MYT1L: variants seen among roughly 807,000 people sequenced by gnomAD.
MYT1L encodes myelin transcription factor 1 like.
Under a neutral mutation model 126.7 loss-of-function variants are expected in MYT1L, and 12 were observed. That is an observed-to-expected ratio of 0.09 (90% CI 0.06 to 0.15). MYT1L has a LOEUF of 0.15. Ranked by LOEUF, MYT1L falls within the 10% of genes least tolerant of loss-of-function variation. MYT1L has a pLI of 1.00. For missense variants in MYT1L, 979 were observed against 1,585.2 expected (o/e 0.62, Z 6.49); for synonymous variants, 541 against 604.2 (o/e 0.90, Z 1.53).
chr2:2,291,735 G>A (rs886394530), intron 1 of MYT1L, among the ~76,000 whole-genome samples: 1 of 152,202 alleles, frequency 6.6e-6, no homozygotes, highest in South Asian at 2.1e-4. Context: ...ACGTGCAGGC[G>A]CCGAGCCAGC....
In MYT1L at chr2:1,843,399, G is replaced by A. The variant is rs574268643; in HGVS notation, c.2775-2556C>T. ...AAAGAGGAACCAAGGGGGGAATTAC[G>A]GTATCCTACCCAGGGAGAGTTACTA... On this transcript the variant is annotated intron_variant, in intron 19 of 24. Coordinates refer to ENST00000647738, the MANE Select transcript of MYT1L (RefSeq NM_001303052.2). 9.2e-5 allele frequency among the ~76,000 whole-genome samples: 14 copies of A among 152,218 alleles called. No homozygotes were observed. The East Asian group carries it at 2.5e-3, about 27-fold the overall frequency.
At chr2:1,835,250 A>G (rs1413204036) in intron 21 of MYT1L, among the ~76,000 whole-genome samples, 1 of 152,246 alleles carries the variant, frequency 6.6e-6, no homozygotes, top group Non-Finnish European at 1.5e-5. Flanking sequence ...ACTCAATATC[A>G]TAGCTTAGCC....
intron 5 of MYT1L, among the ~76,000 whole-genome samples, chr2:1,991,775 A>C (rs942683156): frequency 6.6e-6 from 1 of 152,000 alleles, no homozygotes; most frequent in African/African-American, 2.4e-5. Flanking sequence ...CCTTCTTTCA[A>C]AGAACACCAC....
At chr2:1,826,218 T>C (rs1572598427) in intron 21 of MYT1L, 1 of 152,304 alleles carries the variant, frequency 6.6e-6, no homozygotes, top group Admixed American at 6.5e-5. Flanking sequence ...GCTGCTTTGT[T>C]TGTGCCACTT....
intron 3 of MYT1L, among the ~76,000 whole-genome samples, chr2:2,099,822 A>G (rs1272794051): frequency 1.3e-5 from 2 of 152,240 alleles, no homozygotes; most frequent in Non-Finnish European, 2.9e-5. Context: ...ACAGAATCGC[A>G]TTAAGACTAA....
intron 2 of MYT1L, among the ~76,000 whole-genome samples, chr2:2,185,776 G>A (rs1347759058): frequency 3.8e-5 from 5 of 130,244 alleles, no homozygotes; most frequent in Non-Finnish European, 6.5e-5. Flanking sequence ...CCTTACGTGA[G>A]GGGGACGCAG....
chr2:2,262,681 A>G (rs1198305956), intron 2 of MYT1L, among the ~76,000 whole-genome samples: 1 of 148,714 alleles, frequency 6.7e-6, no homozygotes, highest in Non-Finnish European at 1.5e-5. Flanking sequence ...TGACAGAGCA[A>G]GACTCCATCT....
At chr2:2,296,668 G>T (rs894817504) in intron 1 of MYT1L, among the ~76,000 whole-genome samples, 9 of 152,110 alleles carry the variant, frequency 5.9e-5, no homozygotes, top group Non-Finnish European at 1.0e-4. Flanking sequence ...CCTCAGGCCC[G>T]GTGGGGACAC....
chr2:2,092,080 AT>A (rs2150390567), intron 3 of MYT1L, among the ~76,000 whole-genome samples: 2 of 152,284 alleles, frequency 1.3e-5, no homozygotes, highest in African/African-American at 4.8e-5. Context: ...ATTCAAGAAT[AT>A]TTTCTTTGCA....
At position 2,228,378 on chromosome 2, in the gene MYT1L, A is replaced by G. The variant is rs1243823881; in HGVS notation, c.-420-55390T>C. On this transcript the variant is annotated intron_variant, in intron 2 of 24. Coordinates refer to ENST00000647738, the MANE Select transcript of MYT1L (RefSeq NM_001303052.2). This position sits in a 1 kb window ranked among gnomAD's most constrained non-coding sequence, Gnocchi z 5.9. ...AATTTAGCTAGCCACATGGTTACTT[A>G]CCATTGTGTTAGATTTTGAATACTG... Among the ~76,000 whole-genome samples the G allele has an allele frequency of 6.6e-6, 1 of 152,214 alleles. No homozygotes were observed. The highest frequency in any genetic ancestry group is 2.4e-5 in the African/African-American group (1 of 41,470).
intron 18 of MYT1L, 197 bp downstream of exon 18, chr2:1,886,342 G>T (rs2048169530): frequency 2.4e-6 from 1 of 423,538 alleles, no homozygotes; most frequent in Non-Finnish European, 4.2e-6. Context: ...AGGTATGTCA[G>T]GGGAAAAGGC....
chr2:1,871,741 G>A (rs1254824324), intron 18 of MYT1L, among the ~76,000 whole-genome samples: 1 of 152,142 alleles, frequency 6.6e-6, no homozygotes, highest in African/African-American at 2.4e-5. Flanking sequence ...AAACAAGTAT[G>A]TGTTGAAAAA....
chr2:2,078,938 T>A lies in MYT1L; in HGVS notation c.-303-24815A>T, dbSNP rs1027582651. Among the ~76,000 whole-genome samples the A allele has an allele frequency of 3.9e-5, 6 of 152,270 alleles. 1 individual carries two copies. Among genetic ancestry groups the A allele is most frequent in the South Asian group, 4.1e-4 (2 of 4,822 alleles). On this transcript the variant is annotated intron_variant, in intron 3 of 24. Transcript: ENST00000647738. ...TAATGGTATTAAGGGATGGGGTCCT[T>A]GGAAGGTGATTAGGTCATGAGGGTG...
chr2:2,054,877 A>T (rs1356662576), intron 3 of MYT1L, among the ~76,000 whole-genome samples: 1 of 151,742 alleles, frequency 6.6e-6, no homozygotes, highest in Admixed American at 6.6e-5. Context: ...AGAAGCATGA[A>T]GATGAGACAC....
At chr2:2,020,247 T>G (rs1269916699) in intron 4 of MYT1L, among the ~76,000 whole-genome samples, 1 of 152,238 alleles carries the variant, frequency 6.6e-6, no homozygotes, top group Non-Finnish European at 1.5e-5. Context: ...TTGATATAAA[T>G]TCAGGGTTTC....
intron 3 of MYT1L, among the ~76,000 whole-genome samples, chr2:2,123,807 C>T (rs2081341376): frequency 6.6e-6 from 1 of 152,198 alleles, no homozygotes; most frequent in African/African-American, 2.4e-5. Flanking sequence ...TGTCAGTCCT[C>T]ACAAGGGTCT....
chr2:2,252,903 C>T (rs192445892), intron 2 of MYT1L, among the ~76,000 whole-genome samples: 1 of 152,302 alleles, frequency 6.6e-6, no homozygotes, highest in African/African-American at 2.4e-5. Context: ...TTCTCTCCTT[C>T]AGGACACCTT....
intron 14 of MYT1L, among the ~76,000 whole-genome samples, chr2:1,897,613 C>T (rs942044092): frequency 1.3e-5 from 2 of 152,084 alleles, no homozygotes; most frequent in South Asian, 2.1e-4. Context: ...CAGGCGCCCA[C>T]GACCATGCCC....
chr2:2,017,337 G>T (rs1470412094), intron 4 of MYT1L, among the ~76,000 whole-genome samples: 1 of 152,206 alleles, frequency 6.6e-6, no homozygotes, highest in Admixed American at 6.5e-5. Flanking sequence ...TTACCCAATG[G>T]CATAGGAAGG....
Sources: gnomAD v4.1 joint callset for allele counts (sites outside exome capture counted in the v4.1 genomes callset) on GRCh38, gnomAD v4.1.1 for gene constraint, Gnocchi (gnomAD v3.1) non-coding constraint, MANE v1.5 for transcripts, NCBI Gene and HGNC (gene_info 2026-07-23, HGNC 2026-07-21) for gene names.